The following GAB3 variants were observed in gnomAD, a reference collection of about 807,000 sequenced individuals.
GAB3 encodes the protein GRB2 associated binding protein 3, also known as GRB2-associated-binding protein 3.
In GAB3, 12 loss-of-function variants were observed where a neutral mutation model predicts 40.4. The ratio of observed to expected loss-of-function variants is 0.30; its 90% CI spans 0.19 to 0.48. The LOEUF (loss-of-function observed/expected upper bound fraction) is 0.48, where lower values mean the gene tolerates loss of function less well. Among genes scored for constraint, GAB3 ranks in the 20% least tolerant of loss-of-function variants. GAB3 has a pLI of 0.99. For synonymous variants in GAB3, 154 were observed against 176.7 expected, an observed-to-expected ratio of 0.87 and a Z score of 1.02; for missense variants, 381 against 461.9, an observed-to-expected ratio of 0.82 and a Z score of 1.61.
At chrX:154,740,487 C>T (rs1381468863) in intron 1 of GAB3, among the ~76,000 whole-genome samples, 3 of 111,986 alleles carry the variant, frequency 2.7e-5, no homozygotes, top group African/African-American at 9.8e-5. Flanking sequence ...ACATCCTTCC[C>T]ACTATGACGA....
At chrX:154,692,619 C>T (rs782151602) in intron 8 of GAB3, among the ~76,000 whole-genome samples, 1 of 111,392 alleles carries the variant, frequency 9.0e-6, no homozygotes, top group African/African-American at 3.3e-5. Context: ...GAAACCCCAT[C>T]TCTACTAAAA....
intron 1 of GAB3, among the ~76,000 whole-genome samples, chrX:154,720,332 G>C (rs1348544370): frequency 1.8e-5 from 2 of 111,885 alleles, no homozygotes; most frequent in African/African-American, 6.5e-5. Context: ...GCATGATTGT[G>C]TAATAATTAT....
At chrX:154,715,574 C>T (rs1316679748) in intron 2 of GAB3, among the ~76,000 whole-genome samples, 1 of 111,724 alleles carries the variant, frequency 9.0e-6, no homozygotes. Flanking sequence ...GGAAATCTTT[C>T]TTGCCTACGA....
At chrX:154,711,976 G>C (rs2070956479) in intron 4 of GAB3, among the ~76,000 whole-genome samples, 1 of 112,159 alleles carries the variant, frequency 8.9e-6, no homozygotes, top group Non-Finnish European at 1.9e-5. Context: ...GAACAGAAGA[G>C]TGCTGCTTTC....
chrX:154,716,813 T>G (rs1217271272), intron 1 of GAB3, among the ~76,000 whole-genome samples: 8 of 111,568 alleles, frequency 7.2e-5, no homozygotes, highest in African/African-American at 2.6e-4. Context: ...AGAAGGAAAA[T>G]CATACACATT....
intron 1 of GAB3, among the ~76,000 whole-genome samples, chrX:154,721,641 G>A (rs1557258727): frequency 8.9e-6 from 1 of 112,144 alleles, no homozygotes; most frequent in Non-Finnish European, 1.9e-5. Context: ...TTCAAGTATA[G>A]CAACAGGTAT....
intron 1 of GAB3, among the ~76,000 whole-genome samples, chrX:154,741,158 T>TTTG (rs2071430943): frequency 8.9e-6 from 1 of 111,977 alleles, no homozygotes; most frequent in African/African-American, 3.2e-5. Context: ...GCACAAGTTC[T>TTTG]TTCTCTTGTC....
At chrX:154,691,824 T>C (rs782181647) in intron 8 of GAB3, among the ~76,000 whole-genome samples, 6 of 111,869 alleles carry the variant, frequency 5.4e-5, no homozygotes, top group East Asian at 2.8e-4. Context: ...GGCATAAGGA[T>C]AGACATATAG....
At chrX:154,727,705 T>C (rs2071233399) in intron 1 of GAB3, among the ~76,000 whole-genome samples, 1 of 112,129 alleles carries the variant, frequency 8.9e-6, no homozygotes, top group Admixed American at 9.4e-5. Flanking sequence ...GTGAACCAGA[T>C]AGACACAGTC....
chrX:154,743,097 C>A (rs1959273373), intron 1 of GAB3, among the ~76,000 whole-genome samples: 1 of 107,616 alleles, frequency 9.3e-6, no homozygotes, highest in Admixed American at 1.0e-4. Flanking sequence ...GGATGTTAAG[C>A]CAAGGAAGAC....
At position 154,697,226 on chromosome X, in the gene GAB3, G is replaced by A. The variant is rs1557250978; in HGVS notation, c.1346-13C>T. 2 of 1,124,310 alleles carry A rather than the reference G, an allele frequency of 1.8e-6. No individual in the cohort carries two copies. Among genetic ancestry groups the A allele is most frequent in the Non-Finnish European group, 2.4e-6 (2 of 841,473 alleles). The allele number at this position is 1,124,310 out of a possible 1,213,427, so 92.7% of individuals were successfully genotyped here. A position where few individuals can be genotyped will look rare whatever the true frequency, so the allele number is the denominator to read the frequency against. Reference sequence around the variant, plus strand: ...GGAGGTGGCCGTGCTACAAGACAGTGTGCAACATCCAGGAGGTCAAGGCCA... The same window carrying A: ...GGAGGTGGCCGTGCTACAAGACAGTATGCAACATCCAGGAGGTCAAGGCCA... On this transcript the variant is annotated splice_polypyrimidine_tract_variant and intron_variant, in intron 6 of 9. Coordinates refer to ENST00000424127, the MANE Select transcript of GAB3 (RefSeq NM_001081573.3).
intron 1 of GAB3, among the ~76,000 whole-genome samples, chrX:154,734,144 AAC>A (rs1368782540): frequency 2.7e-5 from 3 of 112,811 alleles, no homozygotes; most frequent in African/African-American, 9.7e-5. Flanking sequence ...GCCACAATGT[AAC>A]AGACTGGCTT....
intron 5 of GAB3, 98 bp from the exon 6 acceptor site, chrX:154,699,611 T>C: frequency 1.5e-6 from 1 of 669,572 alleles, no homozygotes. Context: ...AGTTCCAAAT[T>C]ATCCAAGTAT....
chrX:154,747,414 AC>A (rs1392920134), intron 1 of GAB3, among the ~76,000 whole-genome samples: 2 of 112,988 alleles, frequency 1.8e-5, no homozygotes, highest in Non-Finnish European at 3.7e-5. Context: ...AAGAAAAGAA[AC>A]CATGATACAA....
chrX:154,702,827 A>G (rs1349082174), intron 4 of GAB3, among the ~76,000 whole-genome samples: 3 of 112,303 alleles, frequency 2.7e-5, no homozygotes, highest in Non-Finnish European at 5.6e-5. Context: ...GCTCAATGTT[A>G]CTGATCATCA....
intron 8 of GAB3, among the ~76,000 whole-genome samples, chrX:154,682,670 AAT>A (rs1367928182): frequency 8.9e-6 from 1 of 111,782 alleles, no homozygotes; most frequent in African/African-American, 3.3e-5. Context: ...TATTGGTAAT[AAT>A]AGAGTTTTAA....
At chrX:154,739,951 G>T (rs2071413269) in intron 1 of GAB3, among the ~76,000 whole-genome samples, 1 of 111,936 alleles carries the variant, frequency 8.9e-6, no homozygotes, top group Non-Finnish European at 1.9e-5. Context: ...CACTCACAAA[G>T]AAATTTAATT....
intron 1 of GAB3, among the ~76,000 whole-genome samples, chrX:154,720,045 C>T (rs368376749): frequency 1.8e-5 from 2 of 110,346 alleles, no homozygotes; most frequent in African/African-American, 6.6e-5. Context: ...TTTTTCAATC[C>T]TCCGAGACAT....
chrX:154,731,381 C>T (rs781864417), intron 1 of GAB3, among the ~76,000 whole-genome samples: 1 of 111,813 alleles, frequency 8.9e-6, no homozygotes, highest in Non-Finnish European at 1.9e-5. Context: ...GAGGAAGTGA[C>T]GGCGCAGCTG....
Sources: allele counts gnomAD v4.1 joint callset (sites outside exome capture counted in the v4.1 genomes callset), GRCh38; gene constraint gnomAD v4.1.1; transcripts MANE v1.5; gene names NCBI Gene and HGNC (gene_info 2026-07-23, HGNC 2026-07-21).